Variants in PCDHA13 observed in about 807,000 individuals in gnomAD.
The protein encoded by PCDHA13 is protocadherin alpha 13, also known as protocadherin alpha-13.
A neutral mutation model predicts 64.8 loss-of-function variants in PCDHA13; 54 were observed. That is an observed-to-expected ratio of 0.83 (90% CI 0.67 to 1.04). The LOEUF (loss-of-function observed/expected upper bound fraction) is 1.04. PCDHA13 is among the 50% of genes least tolerant of loss of function. The pLI is 0.00. For synonymous variants in PCDHA13, 587 were observed against 564.4 expected (o/e 1.04, Z -0.57); for missense variants, 1,248 against 1,254.3 (o/e 0.99, Z 0.08).
chr5:140,924,238 T>A (rs781820581), intron 1 of PCDHA13, among the ~76,000 whole-genome samples: 5 of 152,244 alleles, frequency 3.3e-5, no homozygotes, highest in Admixed American at 1.3e-4. Flanking sequence ...ATGGGCTGTT[T>A]TGCATCCTGG....
At position 141,010,031 on chromosome 5, in the gene PCDHA13, A is replaced by C; in HGVS notation, c.*94A>C. On this transcript the variant is annotated 3_prime_UTR_variant, in exon 4 of 4. Transcript: ENST00000289272. Reference sequence around the variant, plus strand: ...TTCCCTGCTCCTTTTTCCTATCTACATGAGCCCTCTTAGAGACCTCAGAAA... The same window carrying C: ...TTCCCTGCTCCTTTTTCCTATCTACCTGAGCCCTCTTAGAGACCTCAGAAA... 4 of 1,581,690 alleles carry C rather than the reference A, an allele frequency of 2.5e-6. No individual in the cohort carries two copies. Among genetic ancestry groups the C allele is most frequent in the South Asian group, 1.2e-5 (1 of 84,422 alleles).
intron 1 of PCDHA13, among the ~76,000 whole-genome samples, chr5:140,924,441 G>A (rs144532137): frequency 1.3e-5 from 2 of 152,274 alleles, no homozygotes; most frequent in African/African-American, 4.8e-5. Context: ...AAGAGATAAC[G>A]AATGGGTTTG....
chr5:140,935,045 G>T (rs1382389528), intron 1 of PCDHA13, among the ~76,000 whole-genome samples: 1 of 151,952 alleles, frequency 6.6e-6, no homozygotes, highest in Non-Finnish European at 1.5e-5. Flanking sequence ...TTGATTTCTG[G>T]TATTACAAGA....
chr5:140,914,473 G>A (rs1162580496), intron 1 of PCDHA13, among the ~76,000 whole-genome samples: 1 of 152,116 alleles, frequency 6.6e-6, no homozygotes, highest in Admixed American at 6.6e-5. Flanking sequence ...TATCTTCATA[G>A]GTGAAGTGTT....
At chr5:141,001,872 CAAG>C (rs1329160545) in intron 3 of PCDHA13, among the ~76,000 whole-genome samples, 1 of 152,126 alleles carries the variant, frequency 6.6e-6, no homozygotes, top group African/African-American at 2.4e-5. Flanking sequence ...TGCCCAAAAC[CAAG>C]AAGGAGCAAA....
intron 1 of PCDHA13, among the ~76,000 whole-genome samples, chr5:140,972,015 G>A (rs782728118): frequency 2.6e-5 from 4 of 152,004 alleles, no homozygotes; most frequent in Admixed American, 6.5e-5. Context: ...CCTTTTATAT[G>A]GGATATTCAG....
intron 3 of PCDHA13, among the ~76,000 whole-genome samples, chr5:140,992,975 T>G (rs2097535680): frequency 6.6e-6 from 1 of 152,178 alleles, no homozygotes; most frequent in Admixed American, 6.6e-5. Context: ...TGACAATGAT[T>G]AGGCCATGGG....
At chr5:140,991,629 T>C (rs1466263798) in intron 3 of PCDHA13, among the ~76,000 whole-genome samples, 5 of 152,208 alleles carry the variant, frequency 3.3e-5, no homozygotes, top group African/African-American at 1.2e-4. Context: ...ATATTTGTAA[T>C]AACAATCTGT....
At chr5:140,973,921 C>T (rs1407436010) in intron 1 of PCDHA13, among the ~76,000 whole-genome samples, 1 of 152,210 alleles carries the variant, frequency 6.6e-6, no homozygotes, top group Non-Finnish European at 1.5e-5. Context: ...TGTCACCAAA[C>T]CCAGAGGTTT....
chr5:140,982,447 C>T (rs782801484), intron 2 of PCDHA13, 28 bp from the exon 3 acceptor site: 5 of 1,613,664 alleles, frequency 3.1e-6, no homozygotes, highest in Admixed American at 3.3e-5. Flanking sequence ...ATGATCTAAC[C>T]GTTATCTGGG....
intron 3 of PCDHA13, among the ~76,000 whole-genome samples, chr5:141,001,985 G>A (rs536683790): frequency 6.6e-5 from 10 of 152,194 alleles, no homozygotes; most frequent in Non-Finnish European, 1.5e-4. Flanking sequence ...GGAAAGCCTG[G>A]AAGTTCACTT....
intron 3 of PCDHA13, 112 bp downstream of exon 3, chr5:140,982,675 T>A (rs782533593): frequency 1.3e-4 from 192 of 1,441,664 alleles, no homozygotes; most frequent in Middle Eastern, 9.1e-4. Flanking sequence ...ATTTTTGTTA[T>A]TCCCTTTTTT....
intron 2 of PCDHA13, among the ~76,000 whole-genome samples, chr5:140,979,661 GTCTC>G (rs2096859733): frequency 6.6e-6 from 1 of 152,146 alleles, no homozygotes; most frequent in South Asian, 2.1e-4. Context: ...TCTCTACTTT[GTCTC>G]TCTGACAGTA....
chr5:140,963,856 C>T lies in PCDHA13; in HGVS notation c.2395-15093C>T, dbSNP rs76429225. 1.1e-4 allele frequency among the ~76,000 whole-genome samples: 16 copies of T among 152,242 alleles called. No individual in the cohort carries two copies. The East Asian group carries it at 2.5e-3, about 24-fold the overall frequency. On this transcript the variant is annotated intron_variant, in intron 1 of 3. Coordinates refer to ENST00000289272, the MANE Select transcript of PCDHA13 (RefSeq NM_018904.3). ...TTTCTCATGTAATCATAATAATAAC[C>T]GTATGAGTTTTGCTTACTATTGTTT... is the stretch of plus-strand genomic sequence containing the variant.
At chr5:140,982,226 A>G in intron 2 of PCDHA13, 1 of 603,292 alleles carries the variant, frequency 1.7e-6, no homozygotes, top group Non-Finnish European at 2.5e-6. Context: ...GCGTTAATAA[A>G]AAACAGAATT....
intron 1 of PCDHA13, among the ~76,000 whole-genome samples, chr5:140,940,172 C>T (rs1177302028): frequency 6.6e-6 from 1 of 152,102 alleles, no homozygotes; most frequent in Non-Finnish European, 1.5e-5. Flanking sequence ...AAATGTCATT[C>T]TTGATAGATA....
At chr5:140,937,718 C>T (rs538350541) in intron 1 of PCDHA13, among the ~76,000 whole-genome samples, 1 of 152,076 alleles carries the variant, frequency 6.6e-6, no homozygotes, top group South Asian at 2.1e-4. Context: ...CAAGACCATC[C>T]TGGCTAACAC....
chr5:140,944,003 C>A (rs1185007409), intron 1 of PCDHA13, among the ~76,000 whole-genome samples: 11 of 152,038 alleles, frequency 7.2e-5, no homozygotes, highest in African/African-American at 2.2e-4. Flanking sequence ...CTACTGAGTA[C>A]CCCCCAAAAG....
At chr5:140,889,231 T>G (rs1456128446) in intron 1 of PCDHA13, among the ~76,000 whole-genome samples, 2 of 151,912 alleles carry the variant, frequency 1.3e-5, no homozygotes, top group Non-Finnish European at 2.9e-5. Flanking sequence ...TTTGAAAACT[T>G]CCAGAAAATT....
Sources: gnomAD v4.1 joint callset for allele counts (sites outside exome capture counted in the v4.1 genomes callset) on GRCh38, gnomAD v4.1.1 for gene constraint, MANE v1.5 for transcripts, NCBI Gene and HGNC (gene_info 2026-07-23, HGNC 2026-07-21) for gene names.